SCN2A: variants seen among roughly 807,000 people sequenced by gnomAD.
SCN2A encodes sodium voltage-gated channel alpha subunit 2.
A neutral mutation model predicts 188.7 loss-of-function variants in SCN2A; 20 were observed. The observed-to-expected ratio is 0.11, with a 90% CI of 0.07 to 0.15. The LOEUF is 0.15. Ranked by LOEUF, SCN2A falls within the 10% of genes least tolerant of loss-of-function variation. The probability of loss-of-function intolerance (pLI) is 1.00; values close to 1 mark genes in which losing one functional copy is unlikely to be tolerated. For missense variants in SCN2A, 1,278 were observed against 2,445.0 expected (o/e 0.52, Z 10.07); for synonymous variants, 804 against 833.1 (o/e 0.97, Z 0.60).
chr2:165,328,144 A>G (rs1198603691), intron 13 of SCN2A: 1 of 152,270 alleles, frequency 6.6e-6, no homozygotes, highest in Non-Finnish European at 1.5e-5. Flanking sequence ...CAAAGATCCC[A>G]TAATATTATT....
At chr2:165,387,135 T>G in intron 26 of SCN2A, 119 bp downstream of exon 26, 1 of 1,037,860 alleles carries the variant, frequency 9.6e-7, no homozygotes, top group South Asian at 1.4e-5. Flanking sequence ...AATAAAAATC[T>G]AATAGTCCAT....
intron 17 of SCN2A, among the ~76,000 whole-genome samples, chr2:165,359,871 A>G (rs1185851271): frequency 6.6e-6 from 1 of 152,010 alleles, no homozygotes; most frequent in Non-Finnish European, 1.5e-5. Context: ...TCCTTTTGCC[A>G]TCCGAAGAAA....
At position 165,391,299 on chromosome 2, in the gene SCN2A, A is replaced by G. The variant is rs1485546841; in HGVS notation, c.*1475A>G. 1 of 152,544 alleles carries G rather than the reference A, an allele frequency of 6.6e-6. No homozygotes were observed. The highest frequency in any genetic ancestry group is 1.5e-5 in the Non-Finnish European group (1 of 68,002). The allele number at this position is 152,544 out of a possible 1,614,324, so 9.4% of individuals were successfully genotyped here. A position where few individuals can be genotyped will look rare whatever the true frequency, so the allele number is the denominator to read the frequency against. ...TGAACACTCAATGATGAAAAGCCCG[A>G]CTGTACAAACATGTTGCAAGCTGCT... On this transcript the variant is annotated 3_prime_UTR_variant, in exon 27 of 27. Coordinates refer to ENST00000375437, the MANE Select transcript of SCN2A (RefSeq NM_001040142.2).
intron 25 of SCN2A, among the ~76,000 whole-genome samples, chr2:165,384,827 A>G (rs1016652335): frequency 6.6e-6 from 1 of 152,164 alleles, no homozygotes; most frequent in Non-Finnish European, 1.5e-5. Flanking sequence ...TGTGTTTTAG[A>G]CAGAATAGTA....
chr2:165,312,479 T>C (rs1008872446), intron 8 of SCN2A, among the ~76,000 whole-genome samples: 1 of 152,074 alleles, frequency 6.6e-6, no homozygotes, highest in Non-Finnish European at 1.5e-5. Context: ...ATCTGAGACA[T>C]GGGGAGTATT....
intron 11 of SCN2A, 38 bp downstream of exon 11, chr2:165,315,796 A>AT (rs752190761): frequency 6.3e-7 from 1 of 1,598,298 alleles, no homozygotes; most frequent in East Asian, 2.2e-5. Flanking sequence ...GTTCTCATAA[A>AT]TTTTTTAAAA....
chr2:165,272,272 T>C (rs1455571557), intron 1 of SCN2A: 12 of 152,040 alleles, frequency 7.9e-5, no homozygotes, highest in Admixed American at 7.9e-4. Context: ...ATAAAAATGG[T>C]CATTTTATTG....
chr2:165,254,416 A>T (rs1694230895), intron 1 of SCN2A, among the ~76,000 whole-genome samples: 1 of 151,726 alleles, frequency 6.6e-6, no homozygotes, highest in South Asian at 2.1e-4. Context: ...CTTTCGGAAA[A>T]GTTTACTATC....
At chr2:165,240,969 G>T (rs1295460939) in intron 1 of SCN2A, 2 of 152,088 alleles carry the variant, frequency 1.3e-5, no homozygotes, top group Non-Finnish European at 2.9e-5. Context: ...AAAAGCAATT[G>T]TAATTGAGAG....
chr2:165,259,024 C>G (rs1394335027), intron 1 of SCN2A, among the ~76,000 whole-genome samples: 2 of 152,182 alleles, frequency 1.3e-5, no homozygotes, highest in Non-Finnish European at 2.9e-5. Context: ...ATCTATATCC[C>G]TGTTACATGC....
intron 1 of SCN2A, among the ~76,000 whole-genome samples, chr2:165,275,849 G>A (rs353117): frequency 2.6e-5 from 4 of 151,598 alleles, no homozygotes; most frequent in African/African-American, 7.3e-5. Flanking sequence ...ATTCTCCTGC[G>A]TCAGCCTCCC....
chr2:165,309,255 A>G (rs1475902851), intron 5 of SCN2A, 97 bp from the exon 6 acceptor site: 1 of 1,613,472 alleles, frequency 6.2e-7, no homozygotes, highest in East Asian at 2.2e-5. Flanking sequence ...CTGTAATTCC[A>G]GGTAAGAAGA....
intron 1 of SCN2A, chr2:165,271,831 C>T (rs1695118168): frequency 6.6e-6 from 1 of 151,614 alleles, no homozygotes; most frequent in Non-Finnish European, 1.5e-5. Context: ...ACTTTTTTTC[C>T]TGGCTTTTGT....
intron 6 of SCN2A, 113 bp downstream of exon 6, chr2:165,309,556 A>G (rs538514711): frequency 7.7e-5 from 97 of 1,262,466 alleles, no homozygotes; most frequent in Non-Finnish European, 1.1e-4. Flanking sequence ...TATGTAAAAA[A>G]GCAAGAATTG....
At chr2:165,326,616 T>G (rs561500423) in intron 12 of SCN2A, among the ~76,000 whole-genome samples, 1 of 152,180 alleles carries the variant, frequency 6.6e-6, no homozygotes, top group Non-Finnish European at 1.5e-5. Flanking sequence ...CCCAAATCCC[T>G]GGGATAGAGG....
In SCN2A at chr2:165,365,274, C is replaced by T. The variant is rs187452739; in HGVS notation, c.3520+11C>T. Reference sequence around the variant, plus strand: ...CCTGTTTTACAGAAGGTAAGCAAAACAATAACATATGTGGTCTTGAGTATC... The same window carrying T: ...CCTGTTTTACAGAAGGTAAGCAAAATAATAACATATGTGGTCTTGAGTATC... On this transcript the variant is annotated intron_variant, in intron 18 of 26. Transcript: ENST00000375437. The T allele has an allele frequency of 2.2e-5, 36 of 1,613,348 alleles. No individual in the cohort carries two copies. In the Admixed American group the frequency reaches 5.7e-4, roughly 25 times the overall value.
intron 18 of SCN2A, among the ~76,000 whole-genome samples, chr2:165,366,213 A>G (rs909391596): frequency 6.6e-6 from 1 of 152,180 alleles, no homozygotes; most frequent in Admixed American, 6.5e-5. Context: ...TAACTATAGA[A>G]TTGTAGACAA....
intron 3 of SCN2A, among the ~76,000 whole-genome samples, chr2:165,305,067 G>A (rs958916666): frequency 5.3e-5 from 8 of 152,192 alleles, no homozygotes; most frequent in African/African-American, 1.9e-4. Flanking sequence ...GGACCATGCA[G>A]TGATATGGGG....
At chr2:165,369,098 G>A (rs767159752) in intron 19 of SCN2A, among the ~76,000 whole-genome samples, 8 of 152,006 alleles carry the variant, frequency 5.3e-5, no homozygotes, top group Non-Finnish European at 1.0e-4. Context: ...GCTAATTTTT[G>A]TACTTTTAGT....
Sources: gnomAD v4.1 joint callset for allele counts (sites outside exome capture counted in the v4.1 genomes callset) on GRCh38, gnomAD v4.1.1 for gene constraint, MANE v1.5 for transcripts, NCBI Gene and HGNC (gene_info 2026-07-23, HGNC 2026-07-21) for gene names.